Variants in NOS1AP observed in about 807,000 individuals in gnomAD.
The protein encoded by NOS1AP is nitric oxide synthase 1 adaptor protein.
In NOS1AP, 21 loss-of-function variants were observed where a neutral mutation model predicts 56.2. The ratio of observed to expected loss-of-function variants is 0.37; its 90% confidence interval spans 0.26 to 0.54. NOS1AP has a LOEUF of 0.54. NOS1AP is among the 20% of genes least tolerant of loss of function. The pLI, the probability that NOS1AP is intolerant of heterozygous loss-of-function variation, is 0.84. For missense variants in NOS1AP, 522 were observed against 657.8 expected (o/e 0.79, Z 2.26); for synonymous variants, 270 against 274.6 (o/e 0.98, Z 0.17).
At chr1:162,202,712 G>A (rs921526175) in intron 2 of NOS1AP, among the ~76,000 whole-genome samples, 1 of 152,126 alleles carries the variant, frequency 6.6e-6, no homozygotes, top group Non-Finnish European at 1.5e-5. Flanking sequence ...TTAAACTGTT[G>A]AGATATATAT....
chr1:162,299,359 C>T (rs1039610964), intron 3 of NOS1AP, among the ~76,000 whole-genome samples: 6 of 152,128 alleles, frequency 3.9e-5, no homozygotes, highest in Non-Finnish European at 8.8e-5. Context: ...TTGGGGGGAT[C>T]ACTGGTAAGT....
chr1:162,137,009 C>T (rs1230333430), intron 1 of NOS1AP, among the ~76,000 whole-genome samples: 1 of 152,192 alleles, frequency 6.6e-6, no homozygotes, highest in Non-Finnish European at 1.5e-5. Context: ...ATTCTGAGAT[C>T]CTCGTCAACT....
chr1:162,248,371 G>A (rs1300500125), intron 2 of NOS1AP, among the ~76,000 whole-genome samples: 1 of 152,128 alleles, frequency 6.6e-6, no homozygotes, highest in Non-Finnish European at 1.5e-5. Flanking sequence ...CTGACTTGAT[G>A]CCAAGTCTAG....
At chr1:162,277,908 C>G (rs996567372) in intron 2 of NOS1AP, among the ~76,000 whole-genome samples, 2 of 152,116 alleles carry the variant, frequency 1.3e-5, no homozygotes, top group Non-Finnish European at 2.9e-5. Context: ...CTAGTCTTTC[C>G]TAGATTTCTC....
intron 2 of NOS1AP, among the ~76,000 whole-genome samples, chr1:162,249,835 G>A (rs73019415): frequency 0.076 from 11,604 of 152,256 alleles, 713 homozygotes; most frequent in African/African-American, 0.18. Context: ...AGAGAGTCCA[G>A]TGTATCAGTG....
intron 1 of NOS1AP, among the ~76,000 whole-genome samples, chr1:162,074,235 G>A (rs1270263316): frequency 6.6e-6 from 1 of 152,144 alleles, no homozygotes; most frequent in South Asian, 2.1e-4. Flanking sequence ...TATTTATTGA[G>A]CACTTACTAT....
chr1:162,165,418 C>T (rs1277369331), intron 2 of NOS1AP, among the ~76,000 whole-genome samples: 1 of 152,194 alleles, frequency 6.6e-6, no homozygotes, highest in Non-Finnish European at 1.5e-5. Context: ...GTTACTGTGT[C>T]GGGCTCCATG....
intron 3 of NOS1AP, among the ~76,000 whole-genome samples, chr1:162,298,013 C>G (rs1037165856): frequency 3.3e-5 from 5 of 152,214 alleles, no homozygotes; most frequent in Non-Finnish European, 7.3e-5. Context: ...CAACAAAAGC[C>G]TGCTCTCTCC....
intron 2 of NOS1AP, among the ~76,000 whole-genome samples, chr1:162,203,392 G>A (rs531093705): frequency 3.9e-5 from 6 of 152,280 alleles, no homozygotes; most frequent in African/African-American, 1.4e-4. Context: ...ATTGGCCAAA[G>A]CAGAGCTGGG....
intron 4 of NOS1AP, among the ~76,000 whole-genome samples, chr1:162,307,578 C>T (rs184218105): frequency 2.0e-5 from 3 of 151,904 alleles, no homozygotes; most frequent in African/African-American, 4.8e-5. Flanking sequence ...CTGAGGCAGG[C>T]GGATCACGAG....
chr1:162,110,857 C>G (rs1465557012), intron 1 of NOS1AP, among the ~76,000 whole-genome samples: 1 of 152,228 alleles, frequency 6.6e-6, no homozygotes, highest in Non-Finnish European at 1.5e-5. Context: ...AGTCGCAGCA[C>G]TAATAAATAG....
In NOS1AP at chr1:162,127,482, G is replaced by A. The variant is rs139727709; in HGVS notation, c.106-26923G>A. Among the ~76,000 whole-genome samples the A allele has an allele frequency of 1.3e-3, 199 of 150,296 alleles. 1 individual carries two copies. Among genetic ancestry groups the A allele is most frequent in the African/African-American group, 4.6e-3 (187 of 40,750 alleles). On this transcript the variant is annotated intron_variant, in intron 1 of 9. Transcript: ENST00000361897. Reference sequence around the variant, plus strand: ...ATAAACATCCTAAATGTATTAGTTCGTTCTTGCATTGCCATAAAGAAATAA... The same window carrying A: ...ATAAACATCCTAAATGTATTAGTTCATTCTTGCATTGCCATAAAGAAATAA...
intron 2 of NOS1AP, among the ~76,000 whole-genome samples, chr1:162,257,159 C>T (rs779904039): frequency 1.3e-5 from 2 of 152,180 alleles, no homozygotes; most frequent in Admixed American, 1.3e-4. Flanking sequence ...TTCATACTTA[C>T]ATCATGCCAA....
chr1:162,256,996 A>T (rs1429849776), intron 2 of NOS1AP, among the ~76,000 whole-genome samples: 4 of 152,190 alleles, frequency 2.6e-5, no homozygotes, highest in Non-Finnish European at 5.9e-5. Context: ...TTCCTAAGTG[A>T]AACTGACTTT....
intron 5 of NOS1AP, among the ~76,000 whole-genome samples, chr1:162,336,376 C>T (rs1656939579): frequency 6.6e-6 from 1 of 152,168 alleles, no homozygotes; most frequent in Admixed American, 6.5e-5. Flanking sequence ...CACTCTTACC[C>T]ACTCCATTAT....
At chr1:162,304,519 A>C (rs1285682122) in intron 4 of NOS1AP, among the ~76,000 whole-genome samples, 1 of 152,106 alleles carries the variant, frequency 6.6e-6, no homozygotes, top group Non-Finnish European at 1.5e-5. Context: ...ATTCACTTTT[A>C]GGAAGAAATA....
Position 162,367,477 on chromosome 1 carries a change from G to A in NOS1AP, c.*10G>A, listed in dbSNP as rs1658137879. 2 of 1,546,192 alleles carry A rather than the reference G, an allele frequency of 1.3e-6. No individual in the cohort carries two copies. The highest frequency in any genetic ancestry group is 2.4e-5 in the South Asian group (2 of 85,100). ...TGAGATCGCCGTGTAGGTGCCGAGG[G>A]CGAGGAGATGGAGGCGGCGGCGTGG... is the stretch of plus-strand genomic sequence containing the variant. On this transcript the variant is annotated 3_prime_UTR_variant, in exon 10 of 10. Transcript: ENST00000361897. The surrounding 1 kb of genome is among the most constrained non-coding windows in gnomAD (Gnocchi z 6.5).
At chr1:162,094,343 A>T (rs986145828) in intron 1 of NOS1AP, among the ~76,000 whole-genome samples, 4 of 152,126 alleles carry the variant, frequency 2.6e-5, no homozygotes, top group African/African-American at 9.7e-5. Context: ...ACTGGTAGGG[A>T]GAGTGATATT....
At chr1:162,191,044 C>G (rs1651614686) in intron 2 of NOS1AP, among the ~76,000 whole-genome samples, 1 of 152,078 alleles carries the variant, frequency 6.6e-6, no homozygotes, top group Non-Finnish European at 1.5e-5. Context: ...CCTGAATGGG[C>G]AGGGGCCCTG....
Sources: gnomAD v4.1 joint callset for allele counts (sites outside exome capture counted in the v4.1 genomes callset) on GRCh38, gnomAD v4.1.1 for gene constraint, Gnocchi (gnomAD v3.1) non-coding constraint, MANE v1.5 for transcripts, NCBI Gene and HGNC (gene_info 2026-07-23, HGNC 2026-07-21) for gene names.